Variants in OR4K1 observed in about 807,000 individuals in gnomAD.
OR4K1 encodes the protein olfactory receptor 4K1.
OR4K1 carries 16 observed loss-of-function variants against 14.4 expected under a neutral mutation model. The observed-to-expected ratio is 1.11, with a 90% confidence interval of 0.75 to 1.68. The LOEUF (loss-of-function observed/expected upper bound fraction) is 1.68, where lower values mean the gene tolerates loss of function less well. OR4K1 is among the 40% of genes most tolerant of loss of function. The pLI, the probability that OR4K1 is intolerant of heterozygous loss-of-function variation, is 0.00. For missense variants in OR4K1, 548 were observed against 376.9 expected (o/e 1.45, Z -3.76); for synonymous variants, 181 against 133.1 (o/e 1.36, Z -2.48).
At chr14:19,925,500 T>C in the OR4K1 span, among the ~76,000 whole-genome samples, 2 of 152,270 alleles carry the variant, frequency 1.3e-5, no homozygotes, top group East Asian at 1.9e-4. Flanking sequence ...GATTTGTTTA[T>C]GGTAGATGAA....
At chr14:19,922,894 A>G in the OR4K1 span, among the ~76,000 whole-genome samples, 1 of 152,210 alleles carries the variant, frequency 6.6e-6, no homozygotes, top group African/African-American at 2.4e-5. Context: ...TGGCCTTTGT[A>G]ATAATTTTTA....
chr14:19,924,812 A>G, the OR4K1 span, among the ~76,000 whole-genome samples: 4 of 152,262 alleles, frequency 2.6e-5, no homozygotes, highest in East Asian at 3.8e-4. Flanking sequence ...AAAACAAGGG[A>G]CATTCCTAAT....
the OR4K1 span, among the ~76,000 whole-genome samples, chr14:19,923,133 G>A: frequency 1.3e-5 from 2 of 152,202 alleles, no homozygotes; most frequent in African/African-American, 4.8e-5. Context: ...TTGTAAATAT[G>A]TAGAAATCAG....
the OR4K1 span, among the ~76,000 whole-genome samples, chr14:19,923,967 T>C: frequency 6.6e-6 from 1 of 152,208 alleles, no homozygotes; most frequent in African/African-American, 2.4e-5. Context: ...TTTAAGTATT[T>C]TGAAGGTATC....
At chr14:19,925,812 G>A in the OR4K1 span, among the ~76,000 whole-genome samples, 29 of 152,260 alleles carry the variant, frequency 1.9e-4, no homozygotes, top group African/African-American at 7.0e-4. Context: ...AGAAGCTTTA[G>A]TTCCATTGAC....
chr14:19,931,184 T>C (rs1224526296), intron 1 of OR4K1, 39 bp downstream of exon 1: 4 of 152,266 alleles, frequency 2.6e-5, no homozygotes, highest in Non-Finnish European at 4.4e-5. Flanking sequence ...ATTGTTGCAC[T>C]GGAGAAATAA....
At chr14:19,921,165 C>T in the OR4K1 span, 1 of 1,614,172 alleles carries the variant, frequency 6.2e-7, no homozygotes, top group Non-Finnish European at 8.5e-7. Context: ...AGTCACCAAA[C>T]TTGCCTGCCT....
chr14:19,920,551 C>G, the OR4K1 span: 1 of 1,519,932 alleles, frequency 6.6e-7, no homozygotes, highest in South Asian at 1.3e-5. Flanking sequence ...AATTCTGATT[C>G]CTTTCTATTT....
intron 1 of OR4K1, among the ~76,000 whole-genome samples, chr14:19,931,683 A>T (rs890270489): frequency 6.6e-6 from 1 of 152,260 alleles, no homozygotes; most frequent in African/African-American, 2.4e-5. Flanking sequence ...TATTAATGCA[A>T]CAGCAACCCT....
At chr14:19,933,502 C>A (rs1299604570) in intron 1 of OR4K1, among the ~76,000 whole-genome samples, 3 of 152,206 alleles carry the variant, frequency 2.0e-5, no homozygotes, top group African/African-American at 7.2e-5. Flanking sequence ...CCCAAATCTT[C>A]CACATGGAAA....
At chr14:19,930,167 C>T (rs10438117), upstream of OR4K1, among the ~76,000 whole-genome samples, 3,648 of 150,912 alleles carry the variant, frequency 0.024, no homozygotes, top group South Asian at 0.038. Flanking sequence ...TCCAGTATCT[C>T]TCCTTCAGCC....
the OR4K1 span, chr14:19,921,751 G>GA: frequency 1.4e-6 from 1 of 709,388 alleles, no homozygotes; most frequent in Non-Finnish European, 2.1e-6. Flanking sequence ...TAAAAACATG[G>GA]AAAAATCTCT....
chr14:19,920,456 G>T, the OR4K1 span: 1 of 855,946 alleles, frequency 1.2e-6, no homozygotes, highest in Non-Finnish European at 1.8e-6. Context: ...ATACTATTAT[G>T]GCCTCTTCAA....
chr14:19,933,986 A>G (rs1389678167), intron 1 of OR4K1, among the ~76,000 whole-genome samples: 1 of 152,256 alleles, frequency 6.6e-6, no homozygotes, highest in Non-Finnish European at 1.5e-5. Flanking sequence ...TTAAAACTAC[A>G]TAATGAAAGC....
At position 19,931,093 on chromosome 14, in the gene OR4K1, C is replaced by A. The variant is rs1305324546; in HGVS notation, c.-72C>A. Reference sequence around the variant, plus strand: ...GGAAATGGAAACAAACCAGAGGACACCAAACTGGGAAAATAAGGAAGAAGT... The same window carrying A: ...GGAAATGGAAACAAACCAGAGGACAACAAACTGGGAAAATAAGGAAGAAGT... On this transcript the variant is annotated 5_prime_UTR_variant, in exon 1 of 2. Coordinates refer to ENST00000641172, the MANE Select transcript of OR4K1 (RefSeq NM_001004063.3). The A allele has an allele frequency of 3.3e-5, 5 of 152,278 alleles. No individual in the cohort carries two copies. Among genetic ancestry groups the A allele is most frequent in the African/African-American group, 4.8e-5 (2 of 41,442 alleles). 9.4% of individuals were successfully genotyped at this position (152,278 alleles called of 1,614,324 possible).
chr14:19,927,382 A>G (rs769558069), upstream of OR4K1, among the ~76,000 whole-genome samples: 4 of 152,270 alleles, frequency 2.6e-5, no homozygotes, highest in Admixed American at 6.5e-5. Context: ...AATTGGTCAT[A>G]AGTAAAAATA....
At chr14:19,926,762 G>GTCGACCAGAAAT (rs1882071656), upstream of OR4K1, among the ~76,000 whole-genome samples, 3 of 152,258 alleles carry the variant, frequency 2.0e-5, no homozygotes, top group Non-Finnish European at 4.4e-5. Flanking sequence ...TTCAGGCTAT[G>GTCGACCAGAAAT]TCGACCAGAA....
At chr14:19,930,581 G>A (rs112852117), upstream of OR4K1, among the ~76,000 whole-genome samples, 484 of 152,268 alleles carry the variant, frequency 3.2e-3, 1 homozygote, top group African/African-American at 0.011. Context: ...ACCCTGAGGC[G>A]AGGTGATAAT....
chr14:19,920,793 T>C, the OR4K1 span: 2 of 1,614,204 alleles, frequency 1.2e-6, no homozygotes, highest in Admixed American at 3.3e-5. Context: ...GTACTTTCTC[T>C]TGGGAAACCT....
Sources: allele counts gnomAD v4.1 joint callset (sites outside exome capture counted in the v4.1 genomes callset), GRCh38; gene constraint gnomAD v4.1.1; transcripts MANE v1.5; gene names NCBI Gene and HGNC (gene_info 2026-07-23, HGNC 2026-07-21).